Variants in EFHB observed in about 807,000 individuals in gnomAD.
The protein encoded by EFHB is EF-hand domain-containing family member B.
In EFHB, 91 loss-of-function variants were observed where a neutral mutation model predicts 87.2. The observed-to-expected ratio is 1.04, with a 90% CI of 0.88 to 1.24. The LOEUF is 1.24. EFHB is among the 50% of genes most tolerant of loss of function. EFHB has a pLI of 0.00. For missense variants in EFHB, 1,084 were observed against 998.8 expected, an observed-to-expected ratio of 1.09 and a Z score of -1.15; for synonymous variants, 325 against 333.6, an observed-to-expected ratio of 0.97 and a Z score of 0.28.
intron 9 of EFHB, among the ~76,000 whole-genome samples, chr3:19,889,177 G>A (rs74929617): frequency 0.01 from 1,553 of 152,326 alleles, 20 homozygotes; most frequent in African/African-American, 0.036. Context: ...TCAGACAGCA[G>A]TTAAAGACAG....
chr3:19,918,423 C>A lies in EFHB; in HGVS notation c.997-11G>T. ...TATCAATGTGTTTGCCTAAAGAAAT[C>A]ATACAATGCACAAATATATCAACAA... is the stretch of plus-strand genomic sequence containing the variant. On this transcript the variant is annotated splice_polypyrimidine_tract_variant and intron_variant, in intron 3 of 12. Transcript: ENST00000295824. 1 of 1,572,792 alleles carries A rather than the reference C, an allele frequency of 6.4e-7. No individual in the cohort carries two copies. Among genetic ancestry groups the A allele is most frequent in the South Asian group, 1.2e-5 (1 of 82,688 alleles).
At chr3:19,936,329 G>T, upstream of EFHB, 1 of 478,458 alleles carries the variant, frequency 2.1e-6, no homozygotes, top group Non-Finnish European at 3.7e-6. Context: ...CAGCCTGGGC[G>T]ACAGACTGAA....
chr3:19,884,331 C>T lies in EFHB; in HGVS notation c.2146+72G>A, dbSNP rs936145612. The T allele has an allele frequency of 7.9e-6, 11 of 1,387,188 alleles. No individual in the cohort carries two copies. The African/African-American group carries it at 1.4e-4, about 18-fold the overall frequency. The allele number at this position is 1,387,188 out of a possible 1,614,324, so 85.9% of individuals were successfully genotyped here. On this transcript the variant is annotated intron_variant, in intron 11 of 12. Transcript: ENST00000295824. ...GGAAACTTAATCTAACGGAGAAAGG[C>T]AGGGGACAATGCAAGGACAGACAGA...
chr3:19,944,890 C>T (rs1463762362), intron 1 of EFHB, among the ~76,000 whole-genome samples: 1 of 152,156 alleles, frequency 6.6e-6, no homozygotes, highest in East Asian at 1.9e-4. Context: ...TGATGAATAA[C>T]TGATGGTCAC....
chr3:19,924,494 G>A (rs892040001), intron 1 of EFHB, among the ~76,000 whole-genome samples: 2 of 152,110 alleles, frequency 1.3e-5, no homozygotes, highest in Non-Finnish European at 2.9e-5. Context: ...TTACAGGCAT[G>A]AGCCACTGCG....
chr3:19,922,741 T>C (rs1166777209), intron 1 of EFHB, among the ~76,000 whole-genome samples: 1 of 152,166 alleles, frequency 6.6e-6, no homozygotes, highest in Non-Finnish European at 1.5e-5. Context: ...CAGCCTCAAT[T>C]TGCTCACAAT....
At position 19,888,624 on chromosome 3, in the gene EFHB, C is replaced by A; in HGVS notation, c.1753G>T (p.Glu585Ter). 1 of 1,606,464 alleles carries A rather than the reference C, an allele frequency of 6.2e-7. No homozygotes were observed. Among genetic ancestry groups the A allele is most frequent in the Non-Finnish European group, 8.5e-7 (1 of 1,176,000 alleles). ...GCCTGGTCACAAGCTTCCTGCAGCT[C>A]GTCTTTATCTATCATCCCATCTCCC... ...KKGDGMIDKD[E>*]LQEACDQANL... Residue 585 changes from glutamate (E) to a stop codon, truncating the protein, a stop_gained, in exon 10 of 13, where the codon GAG (glutamate) becomes TAG (stop). Transcript: ENST00000295824. LOFTEE classifies it high-confidence loss of function.
chr3:19,934,559 A>G (rs9834938), upstream of EFHB, among the ~76,000 whole-genome samples: 6,535 of 146,112 alleles, frequency 0.045, 445 homozygotes, highest in African/African-American at 0.15. Flanking sequence ...TCTTTGCTAG[A>G]TTTGGAGGGC....
At chr3:19,893,241 C>T (rs1227898494) in intron 9 of EFHB, among the ~76,000 whole-genome samples, 1 of 152,130 alleles carries the variant, frequency 6.6e-6, no homozygotes, top group East Asian at 1.9e-4. Flanking sequence ...ATGCCCAGCC[C>T]ATATTCTCTA....
intron 4 of EFHB, 112 bp downstream of exon 4, chr3:19,918,120 A>C (rs1695297880): frequency 8.8e-7 from 1 of 1,132,566 alleles, no homozygotes; most frequent in Non-Finnish European, 1.2e-6. Context: ...TTCCTTCTTG[A>C]GTCATCGTTT....
intron 1 of EFHB, among the ~76,000 whole-genome samples, chr3:19,928,263 T>A (rs1457749094): frequency 6.6e-6 from 1 of 152,088 alleles, no homozygotes; most frequent in East Asian, 1.9e-4. Context: ...TCAGAAAAAA[T>A]ATATATTTCA....
chr3:19,902,473 G>A (rs1200922453), intron 6 of EFHB, among the ~76,000 whole-genome samples: 2 of 152,180 alleles, frequency 1.3e-5, no homozygotes, highest in African/African-American at 2.4e-5. Flanking sequence ...TCCTGCCTCA[G>A]CCTCCCAAGT....
intron 1 of EFHB, among the ~76,000 whole-genome samples, chr3:19,946,480 G>C (rs572297673): frequency 6.6e-6 from 1 of 152,208 alleles, no homozygotes. Context: ...TGAATAAAAG[G>C]CAGACACTAT....
At chr3:19,930,440 C>G (rs1695790109) in intron 1 of EFHB, among the ~76,000 whole-genome samples, 1 of 152,146 alleles carries the variant, frequency 6.6e-6, no homozygotes, top group Admixed American at 6.5e-5. Flanking sequence ...GGAATATTTA[C>G]TCTTTCTCTT....
chr3:19,909,696 G>A (rs770913828), intron 5 of EFHB, among the ~76,000 whole-genome samples: 1 of 152,134 alleles, frequency 6.6e-6, no homozygotes, highest in African/African-American at 2.4e-5. Context: ...CGCTTGAGGA[G>A]AGGAGAGGGA....
At chr3:19,893,448 A>C (rs1443766356) in intron 9 of EFHB, among the ~76,000 whole-genome samples, 1 of 152,190 alleles carries the variant, frequency 6.6e-6, no homozygotes, top group East Asian at 1.9e-4. Flanking sequence ...TTGTGGCAAT[A>C]GGGGGAGCGC....
chr3:19,915,469 A>G, intron 4 of EFHB, 56 bp from the exon 5 acceptor site: 1 of 1,145,150 alleles, frequency 8.7e-7, no homozygotes, highest in Non-Finnish European at 1.3e-6. Context: ...TATTTATAAT[A>G]CGTTTATATT....
chr3:19,903,198 T>G (rs1031759729), intron 6 of EFHB, among the ~76,000 whole-genome samples: 7 of 150,750 alleles, frequency 4.6e-5, no homozygotes, highest in Middle Eastern at 3.4e-3. Context: ...AAATACAAAA[T>G]GTATGATCAA....
chr3:19,882,706 G>A lies in EFHB; in HGVS notation c.2172C>T (p.Thr724=). 6.2e-7 allele frequency: 1 copy of A among 1,613,456 alleles called. No individual in the cohort carries two copies. The highest frequency in any genetic ancestry group is 8.5e-7 in the Non-Finnish European group (1 of 1,179,604). Reference sequence around the variant, plus strand: ...GGGGAGCAGGAATGTCAGATCGAATGGTTGGAACACCACAAATGGGGTAAC... The same window carrying A: ...GGGGAGCAGGAATGTCAGATCGAATAGTTGGAACACCACAAATGGGGTAAC... ...STCYPICGVP[T]IRSDIPAPRI... is the part of the protein sequence containing the mutation. Residue 724 remains threonine (T), a synonymous_variant, in exon 12 of 13, where the codon ACC becomes ACT. Transcript: ENST00000295824.
Sources: gnomAD v4.1 joint callset for allele counts (sites outside exome capture counted in the v4.1 genomes callset) on GRCh38, gnomAD v4.1.1 for gene constraint, MANE v1.5 for transcripts, NCBI Gene and HGNC (gene_info 2026-07-23, HGNC 2026-07-21) for gene names.